The following FHOD3 variants were observed in gnomAD, a reference collection of about 807,000 sequenced individuals.
FHOD3 encodes the protein formin homology 2 domain containing 3, also known as FH1/FH2 domain-containing protein 3.
Under a neutral mutation model 173.0 loss-of-function variants are expected in FHOD3, and 90 were observed. The ratio of observed to expected loss-of-function variants is 0.52; its 90% CI spans 0.44 to 0.62. The LOEUF is 0.62. Ranked by LOEUF, FHOD3 falls within the 20% of genes least tolerant of loss-of-function variation. FHOD3 has a pLI of 0.00. For missense variants in FHOD3, 1,945 were observed against 2,034.7 expected, an observed-to-expected ratio of 0.96 and a Z score of 0.85; for synonymous variants, 828 against 823.0, an observed-to-expected ratio of 1.01 and a Z score of -0.10.
chr18:36,576,480 G>A lies in FHOD3; in HGVS notation c.541G>A (p.Gly181Arg). ...GGGCCAGATTATGTTGTATGTGGAT[G>A]GAATGAATGGAGTAATAAACCGCAA... ...ALGQIMLYVDGMNGVINRNET... is the reference protein window; with the variant it reads ...ALGQIMLYVDRMNGVINRNET... The change falls in exon 6 of 29, where the codon GGA (glycine) becomes AGA (arginine). Residue 181 changes from glycine (G) to arginine (R), a missense_variant. Coordinates refer to ENST00000590592, the MANE Select transcript of FHOD3 (RefSeq NM_001281740.3). 1 of 1,613,652 alleles carries A rather than the reference G, an allele frequency of 6.2e-7. No homozygotes were observed. Among genetic ancestry groups the A allele is most frequent in the Non-Finnish European group, 8.5e-7 (1 of 1,179,794 alleles).
chr18:36,475,392 G>C (rs1036177499), intron 3 of FHOD3, among the ~76,000 whole-genome samples: 1 of 146,642 alleles, frequency 6.8e-6, no homozygotes, highest in Non-Finnish European at 1.5e-5. Context: ...CTCCACCAGG[G>C]TTATTGTTTG....
intron 4 of FHOD3, among the ~76,000 whole-genome samples, chr18:36,506,602 T>A (rs995874113): frequency 2.0e-5 from 3 of 152,232 alleles, no homozygotes; most frequent in Non-Finnish European, 1.5e-5. Context: ...GAGGCCCCAG[T>A]TGTTCATTCA....
intron 2 of FHOD3, among the ~76,000 whole-genome samples, chr18:36,360,274 A>T (rs1422569997): frequency 6.6e-6 from 1 of 152,190 alleles, no homozygotes; most frequent in Non-Finnish European, 1.5e-5. Context: ...CATCATGAGG[A>T]CCAGTGTGGT....
rs184527412 is a variant in FHOD3 at position 36,573,316 on chromosome 18, G to A, written c.512-3135G>A. ...CTTCTTTGTATGCATGAAGATTGGA[G>A]TGTTATAACTGGGCACGGTGGCTTA... On this transcript the variant is annotated intron_variant, in intron 5 of 28. Coordinates refer to ENST00000590592, the MANE Select transcript of FHOD3 (RefSeq NM_001281740.3). 1.4e-3 allele frequency among the ~76,000 whole-genome samples: 212 copies of A among 152,146 alleles called. 1 individual carries two copies. Among genetic ancestry groups the A allele is most frequent in the Non-Finnish European group, 2.4e-3 (163 of 67,974 alleles).
intron 18 of FHOD3, among the ~76,000 whole-genome samples, chr18:36,712,549 A>G (rs2040226803): frequency 6.6e-6 from 1 of 152,186 alleles, no homozygotes; most frequent in Non-Finnish European, 1.5e-5. Flanking sequence ...TCAAAAACAA[A>G]TCAGTGGAAA....
chr18:36,761,097 T>G (rs1283550394), intron 27 of FHOD3, among the ~76,000 whole-genome samples: 1 of 152,144 alleles, frequency 6.6e-6, no homozygotes, highest in African/African-American at 2.4e-5. Flanking sequence ...CTTTTAGAAA[T>G]AAAGTTTTGT....
At chr18:36,384,897 T>TACCACCACCACCACCACCACC (rs60582813) in intron 3 of FHOD3, among the ~76,000 whole-genome samples, 2 of 150,982 alleles carry the variant, frequency 1.3e-5, no homozygotes, top group Admixed American at 1.3e-4. Flanking sequence ...TGGTGGAAGA[T>TACCACCACCACCACCACCACC]ACCACCACCA....
chr18:36,558,538 T>C (rs2147565310), intron 5 of FHOD3, among the ~76,000 whole-genome samples: 1 of 152,326 alleles, frequency 6.6e-6, no homozygotes, highest in South Asian at 2.1e-4. Flanking sequence ...TATAAAACTT[T>C]TTGACCTAAT....
intron 27 of FHOD3, among the ~76,000 whole-genome samples, chr18:36,766,941 A>G (rs2043164579): frequency 6.6e-6 from 1 of 152,214 alleles, no homozygotes; most frequent in South Asian, 2.1e-4. Context: ...ATCAATAGAT[A>G]AAAGGGAAAA....
intron 10 of FHOD3, among the ~76,000 whole-genome samples, chr18:36,648,194 G>T (rs770290040): frequency 8.5e-5 from 13 of 152,160 alleles, no homozygotes; most frequent in Non-Finnish European, 1.9e-4. Context: ...AGATTTGGGT[G>T]AATGGGGGCT....
intron 6 of FHOD3, among the ~76,000 whole-genome samples, chr18:36,589,718 G>A (rs1238093294): frequency 6.6e-6 from 1 of 152,158 alleles, no homozygotes; most frequent in Non-Finnish European, 1.5e-5. Context: ...CAGAGACAGC[G>A]AATCTACTCC....
At chr18:36,573,354 A>C (rs59994220) in intron 5 of FHOD3, among the ~76,000 whole-genome samples, 29,898 of 151,588 alleles carry the variant, frequency 0.2, 3,156 homozygotes, top group East Asian at 0.37. Flanking sequence ...CCTGTAATCC[A>C]GGCACTTTGG....
At chr18:36,426,058 C>G (rs1282785418) in intron 3 of FHOD3, among the ~76,000 whole-genome samples, 1 of 128,310 alleles carries the variant, frequency 7.8e-6, no homozygotes, top group Non-Finnish European at 1.7e-5. Context: ...GCGGCCACCA[C>G]CATGCCCGGC....
At chr18:36,387,751 C>G (rs779129734) in intron 3 of FHOD3, among the ~76,000 whole-genome samples, 1 of 152,132 alleles carries the variant, frequency 6.6e-6, no homozygotes, top group South Asian at 2.1e-4. Context: ...TCCTCCACCC[C>G]GCATTGGCAG....
chr18:36,416,094 A>G (rs1913369), intron 3 of FHOD3, among the ~76,000 whole-genome samples: 47,951 of 152,032 alleles, frequency 0.32, 7,881 homozygotes, highest in South Asian at 0.57. Context: ...GTGCAGTGGC[A>G]TGATCTCGGC....
chr18:36,757,825 G>C (rs2042696375), intron 25 of FHOD3, among the ~76,000 whole-genome samples: 1 of 152,154 alleles, frequency 6.6e-6, no homozygotes, highest in South Asian at 2.1e-4. Context: ...TGGTCCTAGA[G>C]CAAATGGTGA....
intron 19 of FHOD3, among the ~76,000 whole-genome samples, chr18:36,720,452 G>A (rs1360923780): frequency 6.6e-6 from 1 of 151,922 alleles, no homozygotes; most frequent in East Asian, 1.9e-4. Context: ...TGGCCAGGCT[G>A]GTCTCAAACT....
intron 20 of FHOD3, among the ~76,000 whole-genome samples, chr18:36,737,658 G>A (rs2041705634): frequency 6.6e-6 from 1 of 152,180 alleles, no homozygotes; most frequent in African/African-American, 2.4e-5. Flanking sequence ...ATGCACATCT[G>A]CAATGCAGTT....
chr18:36,510,442 A>G lies in FHOD3; in HGVS notation c.406-1996A>G, dbSNP rs1303467248. Among the ~76,000 whole-genome samples, 8 of 152,268 alleles carry G rather than the reference A, an allele frequency of 5.3e-5. 1 individual carries two copies. Among genetic ancestry groups the G allele is most frequent in the Middle Eastern group, 6.8e-3 (2 of 294 alleles). On this transcript the variant is annotated intron_variant, in intron 4 of 28. Coordinates refer to ENST00000590592, the MANE Select transcript of FHOD3 (RefSeq NM_001281740.3). ...ATATGTGCATAAATTTCAGTTCTGA[A>G]TGATTTTTATAAACACTGTCTCGCC...
Sources: allele counts gnomAD v4.1 joint callset (sites outside exome capture counted in the v4.1 genomes callset), GRCh38; gene constraint gnomAD v4.1.1; transcripts MANE v1.5; gene names NCBI Gene and HGNC (gene_info 2026-07-23, HGNC 2026-07-21).